Variants in CACNA1A observed in about 807,000 individuals in gnomAD.
The protein encoded by CACNA1A is voltage-dependent P/Q-type calcium channel subunit alpha-1A.
CACNA1A carries 57 observed loss-of-function variants against 262.4 expected under a neutral mutation model. The observed-to-expected ratio is 0.22, with a 90% CI of 0.18 to 0.27. CACNA1A has a LOEUF of 0.27. Ranked by LOEUF, CACNA1A falls within the 10% of genes least tolerant of loss-of-function variation. The probability of loss-of-function intolerance (pLI) is 1.00; values close to 1 mark genes in which losing one functional copy is unlikely to be tolerated. For synonymous variants in CACNA1A, 1,431 were observed against 1,419.3 expected, an observed-to-expected ratio of 1.01 and a Z score of -0.18; for missense variants, 2,526 against 3,562.8, an observed-to-expected ratio of 0.71 and a Z score of 7.41.
At chr19:13,455,527 A>G (rs974520032) in intron 1 of CACNA1A, among the ~76,000 whole-genome samples, 5 of 152,256 alleles carry the variant, frequency 3.3e-5, no homozygotes, top group Non-Finnish European at 7.3e-5. Flanking sequence ...AGCAAAGCAG[A>G]CAAGAGGAGA....
At chr19:13,388,164 T>C (rs1284900123) in intron 3 of CACNA1A, among the ~76,000 whole-genome samples, 3 of 135,606 alleles carry the variant, frequency 2.2e-5, no homozygotes, top group African/African-American at 8.0e-5. Flanking sequence ...CACTCCTAGG[T>C]TGAGGACTGA....
At chr19:13,391,619 G>A (rs1019665385) in intron 3 of CACNA1A, among the ~76,000 whole-genome samples, 14 of 152,094 alleles carry the variant, frequency 9.2e-5, no homozygotes, top group East Asian at 1.9e-4. Flanking sequence ...GGAAATTGCC[G>A]GGTGCGGTGG....
Position 13,214,607 on chromosome 19 carries a change from T to A in CACNA1A, c.5733A>T (p.Gly1911=), listed in dbSNP as rs758357771. ...CGTCCATCTGCTGTTTGTCGGCTCCTCCTGCAATGGGGGTGTAGACAGACC... is the reference window on the plus strand; with the variant it reads ...CGTCCATCTGCTGTTTGTCGGCTCCACCTGCAATGGGGGTGTAGACAGACC... ...RTALDIKIAK[G]GADKQQMDAE... The change falls in exon 39 of 47, where the codon GGA becomes GGT. Residue 1911 remains glycine (G), a splice_region_variant and synonymous_variant. Transcript: ENST00000360228. This position sits in a 1 kb window ranked among gnomAD's most constrained non-coding sequence, Gnocchi z 4.1. 39 of 1,612,352 alleles carry A rather than the reference T, an allele frequency of 2.4e-5. No individual in the cohort carries two copies. The highest frequency in any genetic ancestry group is 3.1e-5 in the Non-Finnish European group (37 of 1,178,872).
intron 10 of CACNA1A, 58 bp from the exon 11 acceptor site, chr19:13,317,379 C>A: frequency 7.1e-7 from 1 of 1,410,740 alleles, no homozygotes; most frequent in Non-Finnish European, 9.8e-7. Flanking sequence ...AAGAAATTAA[C>A]CAATGTGCAG....
chr19:13,313,756 C>T (rs1398219846), intron 11 of CACNA1A, among the ~76,000 whole-genome samples: 1 of 152,056 alleles, frequency 6.6e-6, no homozygotes, highest in Non-Finnish European at 1.5e-5. Flanking sequence ...TAACAATGGA[C>T]CATAACGGCC....
At position 13,264,877 on chromosome 19, in the gene CACNA1A, CTT is replaced by C. The variant is rs33923652; in HGVS notation, c.3990-2046_3990-2045del. 4.7e-3 allele frequency among the ~76,000 whole-genome samples: 636 copies of C among 136,002 alleles called. 12 individuals are homozygous for C. In the South Asian group the frequency reaches 0.062, roughly 13 times the overall value. 89.2% of individuals were successfully genotyped at this position (136,002 alleles called of 152,430 possible). On this transcript the variant is annotated intron_variant, in intron 24 of 46. Coordinates refer to ENST00000360228, the MANE Select transcript of CACNA1A (RefSeq NM_001127222.2). ...TCTCTGTGTTCATTTTCCCTTTAATCTTTTTTTTTTTTTTTGAGATGGAGTCT... is the reference window on the plus strand; with the variant it reads ...TCTCTGTGTTCATTTTCCCTTTAATCTTTTTTTTTTTTTGAGATGGAGTCT...
At chr19:13,238,344 GTCTTT>G (rs1422108706) in intron 31 of CACNA1A, among the ~76,000 whole-genome samples, 2 of 152,124 alleles carry the variant, frequency 1.3e-5, no homozygotes, top group South Asian at 2.1e-4. Context: ...CGTCCTTGTG[GTCTTT>G]TCTTTTCCAG....
At chr19:13,496,968 G>C (rs1981607897) in intron 1 of CACNA1A, among the ~76,000 whole-genome samples, 1 of 152,160 alleles carries the variant, frequency 6.6e-6, no homozygotes, top group Non-Finnish European at 1.5e-5. Flanking sequence ...CTGAAGCACA[G>C]AACACTTAAG....
intron 30 of CACNA1A, among the ~76,000 whole-genome samples, chr19:13,247,713 A>AAAATAAATAAATAAAT (rs144467626): frequency 0.016 from 2,402 of 146,674 alleles, 30 homozygotes; most frequent in Admixed American, 0.031. Context: ...TAAATAAATA[A>AAAATAAATAAATAAAT]AAATAAATAA....
intron 17 of CACNA1A, among the ~76,000 whole-genome samples, chr19:13,302,446 A>G (rs534322985): frequency 1.6e-4 from 24 of 152,348 alleles, no homozygotes; most frequent in African/African-American, 5.8e-4. Context: ...TGAAATCTGT[A>G]AAATGGGGCT....
chr19:13,215,016 T>G (rs1168125933), intron 38 of CACNA1A: 12 of 169,296 alleles, frequency 7.1e-5, no homozygotes, highest in East Asian at 1.7e-4. Context: ...GTGTGTGTTT[T>G]TTTTTTTTTT....
In CACNA1A at chr19:13,298,983, C is replaced by A; in HGVS notation, c.2650G>T (p.Ala884Ser). 6.3e-7 allele frequency: 1 copy of A among 1,581,150 alleles called. No individual in the cohort carries two copies. Among genetic ancestry groups the A allele is most frequent in the Non-Finnish European group, 8.5e-7 (1 of 1,171,278 alleles). The change falls in exon 19 of 47, where the codon GCG becomes TCG. Residue 884 changes from alanine (A) to serine (S), a missense_variant. Around this residue, in one of 17 missense-constraint regions of CACNA1A, gnomAD observed 765 missense variants for 748.6 expected, o/e 1.02. Transcript: ENST00000360228. ...SAGLDARRPW[A>S]GSQEAELSRE... The stretch of plus-strand genomic sequence containing the variant: ...CTCAGCTCGGCCTCCTGGCTTCCCG[C>A]CCAGGGCCTCCGTGCGTCCAGGCCC...
intron 3 of CACNA1A, among the ~76,000 whole-genome samples, chr19:13,405,389 A>G (rs569399504): frequency 6.6e-6 from 1 of 151,532 alleles, no homozygotes; most frequent in African/African-American, 2.4e-5. Flanking sequence ...TATTTTTTGT[A>G]AAGACAGAGT....
intron 1 of CACNA1A, among the ~76,000 whole-genome samples, chr19:13,475,903 G>C (rs1978469815): frequency 2.0e-5 from 3 of 152,148 alleles, no homozygotes; most frequent in Admixed American, 1.3e-4. Context: ...GAAAAGTAGG[G>C]AAAAAGTGGG....
At chr19:13,468,817 A>G (rs2061299715) in intron 1 of CACNA1A, among the ~76,000 whole-genome samples, 1 of 152,108 alleles carries the variant, frequency 6.6e-6, no homozygotes, top group Non-Finnish European at 1.5e-5. Context: ...AAAACCTTTA[A>G]CCTGGAAATT....
In CACNA1A at chr19:13,299,203, G is replaced by A. The variant is rs1318727035; in HGVS notation, c.2430C>T (p.His810=). The part of the protein sequence containing the change: ...DERWKAAYTR[H]LRPDMKTHLD... Reference sequence around the variant, plus strand: ...AGTGCGTCTTCATGTCTGGCCGCAGGTGCCGCGTGTAGGCAGCCTTCCAGC... The same window carrying A: ...AGTGCGTCTTCATGTCTGGCCGCAGATGCCGCGTGTAGGCAGCCTTCCAGC... Residue 810 remains histidine (H), a synonymous_variant, in exon 19 of 47, where the codon CAC becomes CAT. Transcript: ENST00000360228. 6 of 1,612,254 alleles carry A rather than the reference G, an allele frequency of 3.7e-6. No individual in the cohort carries two copies. The highest frequency in any genetic ancestry group is 1.3e-5 in the African/African-American group (1 of 75,058).
At chr19:13,251,438 G>A (rs2056395195) in intron 30 of CACNA1A, among the ~76,000 whole-genome samples, 1 of 152,102 alleles carries the variant, frequency 6.6e-6, no homozygotes, top group Non-Finnish European at 1.5e-5. Flanking sequence ...AGCCGAGATT[G>A]CGCCACTGCA....
At chr19:13,269,015 G>A (rs2056946227) in intron 24 of CACNA1A, among the ~76,000 whole-genome samples, 1 of 149,482 alleles carries the variant, frequency 6.7e-6, no homozygotes. Flanking sequence ...TATATTTTTA[G>A]AGACGTGGTC....
At chr19:13,453,239 C>T (rs538428998) in intron 2 of CACNA1A, among the ~76,000 whole-genome samples, 1 of 152,324 alleles carries the variant, frequency 6.6e-6, no homozygotes, top group African/African-American at 2.4e-5. Flanking sequence ...TCCTTTTGGG[C>T]CAACCTCACA....
Sources: gnomAD v4.1 joint callset for allele counts (sites outside exome capture counted in the v4.1 genomes callset) on GRCh38, gnomAD v4.1.1 for gene constraint, gnomAD v4.1.1 regional missense constraint, Gnocchi (gnomAD v3.1) non-coding constraint, MANE v1.5 for transcripts, NCBI Gene and HGNC (gene_info 2026-07-23, HGNC 2026-07-21) for gene names.